Variants in CAST observed in about 807,000 individuals in gnomAD.
CAST encodes calpastatin.
CAST carries 76 observed loss-of-function variants against 119.6 expected under a neutral mutation model. The observed-to-expected ratio is 0.64, with a 90% CI of 0.53 to 0.77. The LOEUF (loss-of-function observed/expected upper bound fraction) is 0.77, where lower values mean the gene tolerates loss of function less well. Ranked by LOEUF, CAST falls within the 30% of genes least tolerant of loss-of-function variation. The pLI is 0.00. For missense variants in CAST, 953 were observed against 946.5 expected (o/e 1.01, Z -0.09); for synonymous variants, 319 against 331.6 (o/e 0.96, Z 0.41).
At chr5:96,743,825 G>A in intron 16 of CAST, 1 of 970,532 alleles carries the variant, frequency 1.0e-6, no homozygotes, top group Non-Finnish European at 1.5e-6. Context: ...GACAGAAGCA[G>A]TGTCATCTTG....
chr5:96,166,154 TC>T, the CAST span, among the ~76,000 whole-genome samples: 1 of 151,940 alleles, frequency 6.6e-6, no homozygotes, highest in Non-Finnish European at 1.5e-5. Context: ...CCACAGTGTT[TC>T]CCCCCTGCAG....
At chr5:96,587,683 A>G (rs1207771385) in intron 1 of CAST, among the ~76,000 whole-genome samples, 2 of 152,230 alleles carry the variant, frequency 1.3e-5, no homozygotes, top group Non-Finnish European at 2.9e-5. Context: ...CTGTGGACAC[A>G]TTCTAGGAGG....
chr5:96,681,975 C>A (rs1271790173), intron 2 of CAST, among the ~76,000 whole-genome samples: 1 of 148,388 alleles, frequency 6.7e-6, no homozygotes, highest in Non-Finnish European at 1.5e-5. Flanking sequence ...GAGAGAGAGA[C>A]CCCATCCACA....
the CAST span, among the ~76,000 whole-genome samples, chr5:96,098,615 C>G: frequency 5.3e-5 from 8 of 152,104 alleles, no homozygotes; most frequent in Admixed American, 4.6e-4. Flanking sequence ...TCAAGTTTGT[C>G]AAAGATCAGA....
the CAST span, chr5:96,213,266 T>C: frequency 3.3e-5 from 5 of 152,202 alleles, no homozygotes; most frequent in African/African-American, 9.6e-5. Flanking sequence ...ATATGTCTTT[T>C]TCTATCCATT....
chr5:96,002,615 C>T, the CAST span, among the ~76,000 whole-genome samples: 1 of 152,090 alleles, frequency 6.6e-6, no homozygotes, highest in Non-Finnish European at 1.5e-5. Flanking sequence ...GGCCTGGGGA[C>T]TGTCTTAGCT....
chr5:96,511,926 C>T, the CAST span, among the ~76,000 whole-genome samples: 5 of 152,184 alleles, frequency 3.3e-5, no homozygotes, highest in South Asian at 4.1e-4. Context: ...CCTCCTGGCC[C>T]GGTTACCTGG....
chr5:96,183,794 C>T, the CAST span, among the ~76,000 whole-genome samples: 2 of 152,136 alleles, frequency 1.3e-5, no homozygotes, highest in Non-Finnish European at 2.9e-5. Context: ...CCAATTTTAA[C>T]ATTCCCTTGT....
chr5:96,131,881 T>G, the CAST span, among the ~76,000 whole-genome samples: 4 of 152,196 alleles, frequency 2.6e-5, no homozygotes, highest in Non-Finnish European at 5.9e-5. Flanking sequence ...ATTCAGGTGA[T>G]GTTGGCAGCC....
chr5:96,434,652 G>T, the CAST span, among the ~76,000 whole-genome samples: 552 of 150,158 alleles, frequency 3.7e-3, 8 homozygotes, highest in African/African-American at 0.013. Flanking sequence ...AAGCTCAACC[G>T]CCCGAGGGCG....
At chr5:96,672,208 G>A (rs1007840319) in intron 1 of CAST, among the ~76,000 whole-genome samples, 23 of 151,912 alleles carry the variant, frequency 1.5e-4, no homozygotes, top group Admixed American at 1.0e-3. Context: ...GACATGTAGT[G>A]CCCTCTTGTT....
chr5:96,737,993 A>T (rs770531835), intron 11 of CAST, 46 bp downstream of exon 11: 1 of 1,050,902 alleles, frequency 9.5e-7, no homozygotes, highest in South Asian at 1.3e-5. Flanking sequence ...AGTGGGTAGG[A>T]GAGCAAATAA....
At chr5:96,760,757 A>G (rs1767644140) in intron 24 of CAST, 1 of 152,014 alleles carries the variant, frequency 6.6e-6, no homozygotes, top group Non-Finnish European at 1.5e-5. Context: ...ATTGAAGGCC[A>G]TACATTAAGT....
chr5:96,243,482 A>G, the CAST span, among the ~76,000 whole-genome samples: 1 of 152,122 alleles, frequency 6.6e-6, no homozygotes, highest in Non-Finnish European at 1.5e-5. Flanking sequence ...TTAAATACAC[A>G]TGATTTTTCC....
At chr5:96,023,725 C>T in the CAST span, among the ~76,000 whole-genome samples, 1 of 151,538 alleles carries the variant, frequency 6.6e-6, no homozygotes, top group South Asian at 2.1e-4. Flanking sequence ...AATTTAAGGA[C>T]ATAGCAATGT....
chr5:96,168,530 T>C, the CAST span, among the ~76,000 whole-genome samples: 1 of 151,940 alleles, frequency 6.6e-6, no homozygotes, highest in East Asian at 1.9e-4. Context: ...TGCTAAGAGG[T>C]AGTGGAGCGG....
the CAST span, among the ~76,000 whole-genome samples, chr5:96,495,025 G>A: frequency 1.3e-5 from 2 of 150,984 alleles, no homozygotes; most frequent in African/African-American, 4.9e-5. Context: ...AGCTGAGGCA[G>A]TAAAATCGCT....
At chr5:96,668,120 A>G (rs1181165671) in intron 1 of CAST, among the ~76,000 whole-genome samples, 1 of 151,558 alleles carries the variant, frequency 6.6e-6, no homozygotes, top group African/African-American at 2.4e-5. Context: ...TTATCTGTTA[A>G]CCGTCACAGC....
chr5:96,219,095 T>G, the CAST span, among the ~76,000 whole-genome samples: 1 of 152,202 alleles, frequency 6.6e-6, no homozygotes, highest in Non-Finnish European at 1.5e-5. Context: ...ATGTGAGGTA[T>G]TATCACTATT....
Sources: gnomAD v4.1 joint callset for allele counts (sites outside exome capture counted in the v4.1 genomes callset) on GRCh38, gnomAD v4.1.1 for gene constraint, MANE v1.5 for transcripts, NCBI Gene and HGNC (gene_info 2026-07-23, HGNC 2026-07-21) for gene names.